PARVA: variants seen among roughly 807,000 people sequenced by gnomAD.
PARVA encodes the protein alpha-parvin.
PARVA carries 25 observed loss-of-function variants against 52.6 expected under a neutral mutation model. That is an observed-to-expected ratio of 0.48 (90% CI 0.35 to 0.66). PARVA has a LOEUF of 0.66. Ranked by LOEUF, PARVA falls within the 30% of genes least tolerant of loss-of-function variation. The pLI is 0.01. For synonymous variants in PARVA, 185 were observed against 179.1 expected, an observed-to-expected ratio of 1.03 and a Z score of -0.26; for missense variants, 373 against 450.9, an observed-to-expected ratio of 0.83 and a Z score of 1.56.
At chr11:12,427,855 G>T (rs1940260409) in intron 1 of PARVA, among the ~76,000 whole-genome samples, 1 of 152,214 alleles carries the variant, frequency 6.6e-6, no homozygotes, top group Admixed American at 6.5e-5. Flanking sequence ...ACTGAGAGAT[G>T]AGGAAGCCTG....
In PARVA at chr11:12,531,995, G is replaced by A. The variant is rs1164917696; in HGVS notation, c.*4070G>A. 2.6e-5 allele frequency among the ~76,000 whole-genome samples: 4 copies of A among 152,144 alleles called. No homozygotes were observed. The highest frequency in any genetic ancestry group is 2.0e-4 in the Admixed American group (3 of 15,280). On this transcript the variant is annotated 3_prime_UTR_variant, in exon 13 of 13. Coordinates refer to ENST00000334956, the MANE Select transcript of PARVA (RefSeq NM_018222.5). ...ATTTACAAATACCAGAGTTTCGACT[G>A]TGTTTTTACTCTCTGCTCCCTGAAA...
intron 1 of PARVA, among the ~76,000 whole-genome samples, chr11:12,395,607 C>T (rs115711170): frequency 0.015 from 2,263 of 152,258 alleles, 56 homozygotes; most frequent in African/African-American, 0.052. Context: ...TTGAAAGGTA[C>T]GGTGCGGCCC....
At chr11:12,434,947 CA>C (rs1185581604) in intron 1 of PARVA, among the ~76,000 whole-genome samples, 1 of 152,212 alleles carries the variant, frequency 6.6e-6, no homozygotes, top group East Asian at 1.9e-4. Context: ...CTCAGTCCGC[CA>C]CCCCACACAC....
intron 3 of PARVA, chr11:12,477,009 C>T (rs1045130278): frequency 6.6e-6 from 1 of 152,190 alleles, no homozygotes; most frequent in East Asian, 1.9e-4. Flanking sequence ...ACGGAAGCAT[C>T]CTACTGGGGA....
At chr11:12,466,360 G>C (rs1940854577) in intron 1 of PARVA, among the ~76,000 whole-genome samples, 1 of 149,630 alleles carries the variant, frequency 6.7e-6, no homozygotes, top group African/African-American at 2.5e-5. Context: ...AGGCTGGAGT[G>C]CAGTGGCCTG....
intron 1 of PARVA, among the ~76,000 whole-genome samples, chr11:12,430,893 A>G (rs574155223): frequency 6.6e-6 from 1 of 152,312 alleles, no homozygotes; most frequent in African/African-American, 2.4e-5. Flanking sequence ...TGCCACAACA[A>G]CAAAGAGACA....
chr11:12,490,645 C>T (rs1371915227), intron 4 of PARVA, among the ~76,000 whole-genome samples: 1 of 151,944 alleles, frequency 6.6e-6, no homozygotes, highest in Admixed American at 6.6e-5. Context: ...AAATGAACCC[C>T]CCAAAAATAC....
At chr11:12,499,868 G>A (rs1295445952) in intron 5 of PARVA, among the ~76,000 whole-genome samples, 1 of 152,072 alleles carries the variant, frequency 6.6e-6, no homozygotes, top group African/African-American at 2.4e-5. Flanking sequence ...TATGTTGTTT[G>A]GAAGATGTAT....
At chr11:12,415,289 A>G (rs1363955951) in intron 1 of PARVA, among the ~76,000 whole-genome samples, 1 of 152,238 alleles carries the variant, frequency 6.6e-6, no homozygotes, top group East Asian at 1.9e-4. Context: ...AGCATGGCAG[A>G]ATAAGAGTAC....
At chr11:12,511,575 T>G in intron 8 of PARVA, 42 bp downstream of exon 8, 1 of 1,606,464 alleles carries the variant, frequency 6.2e-7, no homozygotes, top group Non-Finnish European at 8.5e-7. Flanking sequence ...GTGGCTGCAC[T>G]GGGGCTTTAG....
At chr11:12,500,424 A>T (rs902336292) in intron 5 of PARVA, among the ~76,000 whole-genome samples, 1 of 152,192 alleles carries the variant, frequency 6.6e-6, no homozygotes, top group Non-Finnish European at 1.5e-5. Context: ...GAGGGTGCAC[A>T]AATGTTCAAC....
At chr11:12,395,798 T>A (rs1292739706) in intron 1 of PARVA, among the ~76,000 whole-genome samples, 1 of 152,194 alleles carries the variant, frequency 6.6e-6, no homozygotes, top group Non-Finnish European at 1.5e-5. Flanking sequence ...CAATGCAAAT[T>A]AAGCCTGGCA....
At chr11:12,406,757 G>A (rs1200519836) in intron 1 of PARVA, among the ~76,000 whole-genome samples, 5 of 132,786 alleles carry the variant, frequency 3.8e-5, no homozygotes, top group Admixed American at 8.7e-5. Context: ...TGCAAGCTCC[G>A]CCTCCCAGGT....
chr11:12,396,253 T>A (rs556365975), intron 1 of PARVA, among the ~76,000 whole-genome samples: 6 of 152,376 alleles, frequency 3.9e-5, no homozygotes, highest in Admixed American at 3.3e-4. Context: ...CTGGCTTTTC[T>A]GAAGTATTTA....
chr11:12,505,653 T>G (rs1389477760), intron 6 of PARVA, among the ~76,000 whole-genome samples: 1 of 152,198 alleles, frequency 6.6e-6, no homozygotes, highest in Non-Finnish European at 1.5e-5. Flanking sequence ...CAAAAGGTCC[T>G]AAATGTCCTC....
intron 1 of PARVA, among the ~76,000 whole-genome samples, chr11:12,394,727 G>A (rs192631977): frequency 2.0e-5 from 3 of 152,110 alleles, no homozygotes; most frequent in Non-Finnish European, 2.9e-5. Flanking sequence ...TTGGTCCCAG[G>A]ACCCCTGTGT....
At chr11:12,443,704 A>G (rs115434384) in intron 1 of PARVA, among the ~76,000 whole-genome samples, 226 of 152,306 alleles carry the variant, frequency 1.5e-3, no homozygotes, top group African/African-American at 5.2e-3. Context: ...AGTGGATATC[A>G]GATGGGAACA....
At chr11:12,449,561 C>T (rs540891878) in intron 1 of PARVA, among the ~76,000 whole-genome samples, 1 of 152,326 alleles carries the variant, frequency 6.6e-6, no homozygotes, top group Admixed American at 6.5e-5. Context: ...CTTACTGCTG[C>T]TCTTTTACCA....
chr11:12,458,802 A>G (rs930208462), intron 1 of PARVA, among the ~76,000 whole-genome samples: 5 of 152,118 alleles, frequency 3.3e-5, no homozygotes, highest in Non-Finnish European at 5.9e-5. Flanking sequence ...GTGGAGAGAG[A>G]GAACTCCCTG....
Sources: gnomAD v4.1 joint callset for allele counts (sites outside exome capture counted in the v4.1 genomes callset) on GRCh38, gnomAD v4.1.1 for gene constraint, MANE v1.5 for transcripts, NCBI Gene and HGNC (gene_info 2026-07-23, HGNC 2026-07-21) for gene names.